The following VPS53 variants were observed in gnomAD, a reference collection of about 807,000 sequenced individuals.
VPS53 encodes the protein VPS53 subunit of GARP complex.
Under a neutral mutation model 107.0 loss-of-function variants are expected in VPS53, and 70 were observed. The observed-to-expected ratio is 0.65, with a 90% CI of 0.54 to 0.80. The LOEUF is 0.80. Ranked by LOEUF, VPS53 falls within the 30% of genes least tolerant of loss-of-function variation. The probability of loss-of-function intolerance (pLI) is 0.00; values close to 1 mark genes in which losing one functional copy is unlikely to be tolerated. For synonymous variants in VPS53, 409 were observed against 393.3 expected, an observed-to-expected ratio of 1.04 and a Z score of -0.47; for missense variants, 917 against 1,049.4, an observed-to-expected ratio of 0.87 and a Z score of 1.74.
Position 697,464 on chromosome 17 carries a change from C to G in VPS53, c.239G>C (p.Arg80Pro). ...LKIRRLDDNI[R>P]TVVRGQTNVG... The stretch of plus-strand genomic sequence containing the variant: ...GTTCGTCTGACCTCTTACAACAGTT[C>G]GAATATTGTCATCCAGTCTCCTAGC... The change falls in exon 4 of 22, where the codon CGA becomes CCA. Residue 80 changes from arginine (R) to proline (P), a missense_variant. Coordinates refer to ENST00000437048, the MANE Select transcript of VPS53 (RefSeq NM_001128159.3). 1 of 1,613,888 alleles carries G rather than the reference C, an allele frequency of 6.2e-7. No individual in the cohort carries two copies. Among genetic ancestry groups the G allele is most frequent in the East Asian group, 2.2e-5 (1 of 44,888 alleles).
At position 520,383 on chromosome 17, in the gene VPS53, T is replaced by C. The variant is rs1908641762; in HGVS notation, c.2224-453A>G. 6.6e-6 allele frequency among the ~76,000 whole-genome samples: 1 copy of C among 152,198 alleles called. No individual in the cohort carries two copies. Among genetic ancestry groups the C allele is most frequent in the Admixed American group, 6.5e-5 (1 of 15,282 alleles). On this transcript the variant is annotated intron_variant, in intron 20 of 21. Transcript: ENST00000437048. The surrounding 1 kb of genome is among the most constrained non-coding windows in gnomAD (Gnocchi z 4.4). ...GTACACGGTACTTGCTCCTTCTGCC[T>C]TGACGTACTATGATTCCTGAGAAAT... is the stretch of plus-strand genomic sequence containing the variant.
At chr17:614,269 C>A (rs1317537322) in intron 11 of VPS53, among the ~76,000 whole-genome samples, 1 of 152,014 alleles carries the variant, frequency 6.6e-6, no homozygotes, top group South Asian at 2.1e-4. Flanking sequence ...TGTGACATTT[C>A]GTGACATGAG....
intron 4 of VPS53, among the ~76,000 whole-genome samples, chr17:684,025 ACT>A (rs1972497580): frequency 6.6e-6 from 1 of 152,150 alleles, no homozygotes; most frequent in Non-Finnish European, 1.5e-5. Context: ...CTATGAAAAG[ACT>A]CTCACATTAC....
chr17:626,940 G>A (rs1969737340), intron 10 of VPS53, among the ~76,000 whole-genome samples: 1 of 152,144 alleles, frequency 6.6e-6, no homozygotes, highest in Non-Finnish European at 1.5e-5. Flanking sequence ...TTGAGTTGGT[G>A]GAGAAGGTAG....
At position 643,569 on chromosome 17, in the gene VPS53, AAACCGAGGACAACACTCATACTTGGC is replaced by A. The variant is rs1970546400; in HGVS notation, c.608+9696_608+9721del. 4.7e-3 allele frequency among the ~76,000 whole-genome samples: 34 copies of A among 7,210 alleles called. 1 individual carries two copies. The highest frequency in any genetic ancestry group is 6.4e-3 in the Non-Finnish European group (22 of 3,436). 4.7% of individuals were successfully genotyped at this position (7,210 alleles called of 152,430 possible). On this transcript the variant is annotated intron_variant, in intron 7 of 21. Coordinates refer to ENST00000437048, the MANE Select transcript of VPS53 (RefSeq NM_001128159.3). ...AACCGAGGACAACACTCATACTTGGAAACCGAGGACAACACTCATACTTGGCAACCGAGGACAACACTCATACTTGG... is the reference window on the plus strand; with the variant it reads ...AACCGAGGACAACACTCATACTTGGAAACCGAGGACAACACTCATACTTGG...
chr17:548,804 T>C (rs145722853), intron 17 of VPS53, among the ~76,000 whole-genome samples: 3 of 152,358 alleles, frequency 2.0e-5, no homozygotes, highest in African/African-American at 4.8e-5. Context: ...CCAAGCTCTT[T>C]AGCTTCCCTA....
intron 6 of VPS53, among the ~76,000 whole-genome samples, chr17:654,797 C>T (rs535400426): frequency 2.6e-5 from 4 of 151,818 alleles, no homozygotes; most frequent in South Asian, 2.1e-4. Context: ...CAAGGTGTTC[C>T]GTTGCTACCA....
chr17:525,996 CAAAAAAAAA>C (rs10677094), intron 19 of VPS53, among the ~76,000 whole-genome samples: 6 of 74,686 alleles, frequency 8.0e-5, no homozygotes, highest in African/African-American at 3.2e-4. Flanking sequence ...GACATTTTCT[CAAAAAAAAA>C]AAAAAAAAAA....
intron 2 of VPS53, among the ~76,000 whole-genome samples, chr17:707,537 A>G (rs2144000706): frequency 6.6e-6 from 1 of 151,520 alleles, no homozygotes; most frequent in Non-Finnish European, 1.5e-5. Context: ...AAAAAAAAAA[A>G]AAGAAAATCA....
chr17:600,918 C>T (rs1337130498), intron 12 of VPS53: 2 of 152,240 alleles, frequency 1.3e-5, no homozygotes, highest in East Asian at 1.9e-4. Context: ...GGACCAGACA[C>T]ATTTGATTGC....
intron 20 of VPS53, 148 bp downstream of exon 20, chr17:521,453 T>C: frequency 1.2e-6 from 1 of 862,080 alleles, no homozygotes; most frequent in Non-Finnish European, 1.6e-6. Context: ...CAACAATATC[T>C]GATGAGGCCA....
chr17:625,605 G>C (rs117569926), intron 10 of VPS53, among the ~76,000 whole-genome samples: 1 of 152,100 alleles, frequency 6.6e-6, no homozygotes, highest in Admixed American at 6.6e-5. Flanking sequence ...TAAATGCATC[G>C]CTCTGGCGGA....
intron 12 of VPS53, among the ~76,000 whole-genome samples, chr17:593,860 G>A (rs1188258594): frequency 1.1e-4 from 17 of 152,114 alleles, no homozygotes; most frequent in Admixed American, 6.6e-4. Flanking sequence ...ACATGCACAC[G>A]TATGTTTATT....
chr17:693,826 A>AC (rs1555584119), intron 4 of VPS53, among the ~76,000 whole-genome samples: 12 of 152,224 alleles, frequency 7.9e-5, no homozygotes, highest in African/African-American at 2.7e-4. Flanking sequence ...TTTTGTCCAT[A>AC]TGCCACTCCC....
At chr17:582,593 T>G (rs1967089166) in intron 13 of VPS53, among the ~76,000 whole-genome samples, 1 of 135,730 alleles carries the variant, frequency 7.4e-6, no homozygotes, top group Non-Finnish European at 1.6e-5. Flanking sequence ...CCCAGGGAAC[T>G]TCCCTCAGAA....
chr17:646,798 C>G (rs1970732305), intron 7 of VPS53, among the ~76,000 whole-genome samples: 1 of 133,618 alleles, frequency 7.5e-6, no homozygotes, highest in Non-Finnish European at 1.6e-5. Context: ...CTCCCACACA[C>G]ATCTCCGTGA....
intron 12 of VPS53, among the ~76,000 whole-genome samples, chr17:596,199 T>G (rs981743283): frequency 6.6e-6 from 1 of 152,240 alleles, no homozygotes; most frequent in Non-Finnish European, 1.5e-5. Context: ...ATATCTTTAT[T>G]TATTTTGCCT....
At chr17:649,695 G>C (rs938052668) in intron 7 of VPS53, among the ~76,000 whole-genome samples, 8 of 151,944 alleles carry the variant, frequency 5.3e-5, no homozygotes, top group African/African-American at 1.9e-4. Flanking sequence ...GGAGGACAGA[G>C]GAATGGAACA....
chr17:560,709 G>C (rs1912870248), intron 14 of VPS53, 136 bp from the exon 15 acceptor site: 4 of 1,001,904 alleles, frequency 4.0e-6, no homozygotes, highest in African/African-American at 1.6e-5. Context: ...CATACAATGA[G>C]TCCTTTTCCT....
Sources: gnomAD v4.1 joint callset for allele counts (sites outside exome capture counted in the v4.1 genomes callset) on GRCh38, gnomAD v4.1.1 for gene constraint, Gnocchi (gnomAD v3.1) non-coding constraint, MANE v1.5 for transcripts, NCBI Gene and HGNC (gene_info 2026-07-23, HGNC 2026-07-21) for gene names.